DLG2: variants seen among roughly 807,000 people sequenced by gnomAD.
DLG2 encodes disks large homolog 2.
Under a neutral mutation model 132.5 loss-of-function variants are expected in DLG2, and 45 were observed. The ratio of observed to expected loss-of-function variants is 0.34; its 90% CI spans 0.27 to 0.44. The LOEUF (loss-of-function observed/expected upper bound fraction) is 0.44, where lower values mean the gene tolerates loss of function less well. Among genes scored for constraint, DLG2 ranks in the 20% least tolerant of loss-of-function variants. The pLI is 1.00. For missense variants in DLG2, 1,045 were observed against 1,196.9 expected, an observed-to-expected ratio of 0.87 and a Z score of 1.87; for synonymous variants, 424 against 419.6, an observed-to-expected ratio of 1.01 and a Z score of -0.13.
intron 7 of DLG2, among the ~76,000 whole-genome samples, chr11:84,300,181 C>A (rs1351860824): frequency 6.6e-6 from 1 of 152,144 alleles, no homozygotes; most frequent in African/African-American, 2.4e-5. Flanking sequence ...CCTTTCCCAT[C>A]TGATCAGTCA....
intron 6 of DLG2, among the ~76,000 whole-genome samples, chr11:84,848,520 C>A (rs928955009): frequency 7.9e-5 from 12 of 151,808 alleles, no homozygotes; most frequent in Non-Finnish European, 1.5e-4. Flanking sequence ...AAATAAAAGC[C>A]AGAGAATGCT....
intron 3 of DLG2, among the ~76,000 whole-genome samples, chr11:85,507,177 T>G (rs915004925): frequency 3.9e-5 from 6 of 152,114 alleles, no homozygotes; most frequent in African/African-American, 1.4e-4. Context: ...TTGCCAGTCT[T>G]TGTCTTTTAA....
At position 83,729,993 on chromosome 11, in the gene DLG2, A is replaced by G. The variant is rs1422889906; in HGVS notation, c.1825+56697T>C. Among the ~76,000 whole-genome samples, 4 of 152,152 alleles carry G rather than the reference A, an allele frequency of 2.6e-5. 1 individual carries two copies. The highest frequency in any genetic ancestry group is 2.6e-4 in the Admixed American group (4 of 15,264). On this transcript the variant is annotated intron_variant, in intron 18 of 27. Transcript: ENST00000376104. ...TTTATAGAACCAAAAATAAAACAAA[A>G]CAAACTTTTTTTAATTGTAGAAACA...
At chr11:84,117,941 T>C (rs1301614448) in intron 9 of DLG2, among the ~76,000 whole-genome samples, 1 of 152,078 alleles carries the variant, frequency 6.6e-6, no homozygotes, top group Non-Finnish European at 1.5e-5. Flanking sequence ...CTGTGGCCTC[T>C]GTCTCCCAGG....
chr11:83,507,508 C>G (rs1209174012), intron 21 of DLG2, among the ~76,000 whole-genome samples: 1 of 144,176 alleles, frequency 6.9e-6, no homozygotes, highest in African/African-American at 2.5e-5. Context: ...TATATATCCT[C>G]TATATATATA....
intron 4 of DLG2, among the ~76,000 whole-genome samples, chr11:85,163,457 G>T (rs746577454): frequency 1.3e-5 from 2 of 152,036 alleles, no homozygotes; most frequent in Non-Finnish European, 1.5e-5. Context: ...AGTATAGGAG[G>T]AGCATCTATA....
At chr11:85,597,129 A>ATTCT (rs58189172) in intron 3 of DLG2, among the ~76,000 whole-genome samples, 9,602 of 152,240 alleles carry the variant, frequency 0.063, 969 homozygotes, top group African/African-American at 0.22. Context: ...GCAAAATACA[A>ATTCT]TTGTCACTCA....
At chr11:84,805,330 A>T (rs1219919106) in intron 6 of DLG2, among the ~76,000 whole-genome samples, 1 of 152,170 alleles carries the variant, frequency 6.6e-6, no homozygotes, top group African/African-American at 2.4e-5. Flanking sequence ...CCCAAAATGT[A>T]CAGAATTACA....
intron 18 of DLG2, among the ~76,000 whole-genome samples, chr11:83,775,506 T>C (rs189766574): frequency 2.0e-5 from 3 of 152,306 alleles, no homozygotes; most frequent in Admixed American, 2.0e-4. Flanking sequence ...TTGCAAAGTT[T>C]AAATGAGTTA....
chr11:84,649,001 C>T (rs1298351317), intron 6 of DLG2, among the ~76,000 whole-genome samples: 1 of 152,006 alleles, frequency 6.6e-6, no homozygotes, highest in Non-Finnish European at 1.5e-5. Context: ...TTTTCTAAAG[C>T]AACAAAATGA....
chr11:83,590,856 C>T (rs1224397333), intron 19 of DLG2, among the ~76,000 whole-genome samples: 3 of 151,594 alleles, frequency 2.0e-5, no homozygotes, highest in South Asian at 2.1e-4. Context: ...GAGAATACTA[C>T]AAACACCTCT....
intron 6 of DLG2, among the ~76,000 whole-genome samples, chr11:84,589,008 T>TA (rs1405522887): frequency 6.6e-6 from 1 of 152,010 alleles, no homozygotes; most frequent in Non-Finnish European, 1.5e-5. Flanking sequence ...GAAGGGACAA[T>TA]AGTGAGGAAA....
intron 18 of DLG2, among the ~76,000 whole-genome samples, chr11:83,700,658 T>C (rs1331109305): frequency 1.3e-5 from 2 of 152,178 alleles, no homozygotes; most frequent in Non-Finnish European, 2.9e-5. Context: ...TTCACTGTGT[T>C]CCTAAAAAAT....
chr11:83,988,961 A>AC (rs5793099), intron 11 of DLG2, among the ~76,000 whole-genome samples: 149,698 of 152,252 alleles, frequency 0.98, 73,599 homozygotes, highest in East Asian at 1. Flanking sequence ...CTCTGTAATG[A>AC]ATGGTTTTTT....
chr11:84,416,147 T>G (rs2098928850), intron 7 of DLG2, among the ~76,000 whole-genome samples: 1 of 152,198 alleles, frequency 6.6e-6, no homozygotes, highest in South Asian at 2.1e-4. Flanking sequence ...TATCCTTTCA[T>G]GACCCTATAT....
intron 11 of DLG2, among the ~76,000 whole-genome samples, chr11:83,983,149 A>G (rs1449637007): frequency 6.6e-6 from 1 of 152,146 alleles, no homozygotes; most frequent in Non-Finnish European, 1.5e-5. Flanking sequence ...AATAATTAAT[A>G]GACTCTTTAA....
chr11:83,499,898 T>TGA (rs1555113167), intron 21 of DLG2, among the ~76,000 whole-genome samples: 1 of 96,472 alleles, frequency 1.0e-5, no homozygotes, highest in Non-Finnish European at 2.1e-5. Context: ...TATATATATA[T>TGA]CAGTTCTGTC....
chr11:83,692,775 A>G (rs929514742), intron 18 of DLG2, among the ~76,000 whole-genome samples: 1 of 152,196 alleles, frequency 6.6e-6, no homozygotes, highest in African/African-American at 2.4e-5. Flanking sequence ...CTCTTCTCCT[A>G]GAGCACAAAA....
chr11:84,358,153 A>C, intron 7 of DLG2, among the ~76,000 whole-genome samples: 1 of 152,044 alleles, frequency 6.6e-6, no homozygotes, highest in East Asian at 1.9e-4. Context: ...ACATGTGTGC[A>C]GGCACACACA....
Sources: allele counts gnomAD v4.1 joint callset (sites outside exome capture counted in the v4.1 genomes callset), GRCh38; gene constraint gnomAD v4.1.1; transcripts MANE v1.5; gene names NCBI Gene and HGNC (gene_info 2026-07-23, HGNC 2026-07-21).